GXYLT2: variants seen among roughly 807,000 people sequenced by gnomAD.
GXYLT2 encodes glycosyltransferase 8 domain containing 4.
A neutral mutation model predicts 45.8 loss-of-function variants in GXYLT2; 53 were observed. The observed-to-expected ratio is 1.16, with a 90% CI of 0.93 to 1.46. The LOEUF (loss-of-function observed/expected upper bound fraction) is 1.46, where lower values mean the gene tolerates loss of function less well. Among genes scored for constraint, GXYLT2 ranks in the 40% most tolerant of loss-of-function variants. GXYLT2 has a pLI of 0.00. For synonymous variants in GXYLT2, 219 were observed against 214.2 expected (o/e 1.02, Z -0.19); for missense variants, 551 against 544.4 (o/e 1.01, Z -0.12).
chr3:72,963,831 C>G (rs1389953956), intron 5 of GXYLT2, among the ~76,000 whole-genome samples: 3 of 152,078 alleles, frequency 2.0e-5, no homozygotes, highest in Non-Finnish European at 2.9e-5. Context: ...TGCCACCACG[C>G]CCAGCTAATT....
intron 5 of GXYLT2, 136 bp downstream of exon 5, chr3:72,957,488 C>A: frequency 1.2e-6 from 1 of 844,266 alleles, no homozygotes; most frequent in Non-Finnish European, 1.8e-6. Flanking sequence ...GCGAAGTTTG[C>A]CCTTTCATCC....
chr3:72,963,167 AAAAAAT>A (rs980540387), intron 5 of GXYLT2, among the ~76,000 whole-genome samples: 2 of 151,952 alleles, frequency 1.3e-5, no homozygotes, highest in African/African-American at 4.8e-5. Context: ...AAAAATACAT[AAAAAAT>A]AAAAATAAAA....
At chr3:72,920,326 G>A (rs541315240) in intron 2 of GXYLT2, among the ~76,000 whole-genome samples, 2 of 152,128 alleles carry the variant, frequency 1.3e-5, no homozygotes, top group East Asian at 1.9e-4. Context: ...GTAGAGACCG[G>A]GTTTCACCAT....
chr3:72,896,746 G>A (rs981722559), intron 1 of GXYLT2, among the ~76,000 whole-genome samples: 3 of 152,066 alleles, frequency 2.0e-5, no homozygotes, highest in Non-Finnish European at 2.9e-5. Flanking sequence ...CTACTCTGGA[G>A]GCTGAGGCAA....
At chr3:72,937,149 G>A (rs773033156) in intron 3 of GXYLT2, among the ~76,000 whole-genome samples, 1 of 152,026 alleles carries the variant, frequency 6.6e-6, no homozygotes, top group African/African-American at 2.4e-5. Context: ...TCCCCTAATT[G>A]CGAGGAATAA....
intron 3 of GXYLT2, among the ~76,000 whole-genome samples, chr3:72,933,525 A>C (rs17010276): frequency 1.3e-5 from 2 of 152,222 alleles, no homozygotes; most frequent in African/African-American, 2.4e-5. Context: ...GATGTTGGCT[A>C]TAGTAAGTAC....
chr3:72,930,026 C>T (rs535750215), intron 3 of GXYLT2, among the ~76,000 whole-genome samples: 1 of 151,682 alleles, frequency 6.6e-6, no homozygotes, highest in East Asian at 2.0e-4. Context: ...ATTAGCTGGG[C>T]GTGGTGGCGT....
intron 3 of GXYLT2, among the ~76,000 whole-genome samples, chr3:72,949,127 C>G (rs1255769461): frequency 2.0e-5 from 3 of 152,088 alleles, no homozygotes; most frequent in Non-Finnish European, 2.9e-5. Flanking sequence ...ACATATCTTC[C>G]TGTTGCTCTC....
At chr3:72,949,939 G>A (rs1419520186) in intron 3 of GXYLT2, among the ~76,000 whole-genome samples, 2 of 152,112 alleles carry the variant, frequency 1.3e-5, no homozygotes, top group African/African-American at 2.4e-5. Flanking sequence ...TCCTTGCTGT[G>A]TGTGTGCCAG....
chr3:72,928,800 T>TA (rs1302288982), intron 3 of GXYLT2, among the ~76,000 whole-genome samples: 5 of 150,768 alleles, frequency 3.3e-5, no homozygotes, highest in Non-Finnish European at 5.9e-5. Flanking sequence ...AAAAACCCCA[T>TA]AAAAAAATAA....
chr3:72,900,383 A>G (rs1176806967), intron 1 of GXYLT2, among the ~76,000 whole-genome samples: 1 of 152,044 alleles, frequency 6.6e-6, no homozygotes, highest in Non-Finnish European at 1.5e-5. Flanking sequence ...GCAACGTTTT[A>G]CAAACTTCAC....
At chr3:72,928,431 T>A (rs1709958503) in intron 3 of GXYLT2, among the ~76,000 whole-genome samples, 1 of 152,182 alleles carries the variant, frequency 6.6e-6, no homozygotes, top group Non-Finnish European at 1.5e-5. Context: ...ACACAGGGAT[T>A]CCTCTCTCTC....
intron 3 of GXYLT2, among the ~76,000 whole-genome samples, chr3:72,940,028 C>T (rs565889014): frequency 6.6e-6 from 1 of 152,020 alleles, no homozygotes; most frequent in Non-Finnish European, 1.5e-5. Context: ...CGCTGTGGCT[C>T]ACACCTTTAA....
rs577180513 is a variant in GXYLT2, at chr3:72,966,318, T to C, written c.977-1229T>C. Among the ~76,000 whole-genome samples, 10 of 150,858 alleles carry C rather than the reference T, an allele frequency of 6.6e-5. No individual in the cohort carries two copies. In the South Asian group the frequency reaches 2.1e-3, roughly 32 times the overall value. On this transcript the variant is annotated intron_variant, in intron 5 of 6. Coordinates refer to ENST00000389617, the MANE Select transcript of GXYLT2 (RefSeq NM_001080393.2). ...TTGCTGTTTTTTTTTTTTTCTTTGG[T>C]TTTTTGTTTGTTCTTAATCTGAAGC...
intron 2 of GXYLT2, among the ~76,000 whole-genome samples, chr3:72,920,480 G>A (rs187599900): frequency 2.0e-5 from 3 of 152,010 alleles, no homozygotes; most frequent in Admixed American, 2.0e-4. Context: ...TACTGCGCTG[G>A]CTGGTCTCAA....
chr3:72,936,412 G>C (rs1286089221), intron 3 of GXYLT2, among the ~76,000 whole-genome samples: 1 of 152,086 alleles, frequency 6.6e-6, no homozygotes, highest in Non-Finnish European at 1.5e-5. Flanking sequence ...CCAGCACTTT[G>C]GGAGGCCGAG....
intron 2 of GXYLT2, among the ~76,000 whole-genome samples, chr3:72,913,024 GTTTTTTTTTTGT>G (rs1396454846): frequency 4.8e-5 from 7 of 145,288 alleles, no homozygotes; most frequent in South Asian, 4.3e-4. Context: ...ATTTCCTCAG[GTTTTTTTTTTGT>G]TTTTTTTTTT....
At chr3:72,901,804 G>A (rs909081728) in intron 1 of GXYLT2, among the ~76,000 whole-genome samples, 1 of 151,552 alleles carries the variant, frequency 6.6e-6, no homozygotes, top group African/African-American at 2.4e-5. Flanking sequence ...CAAGTGATCC[G>A]CCCGCCTCAG....
intron 4 of GXYLT2, among the ~76,000 whole-genome samples, chr3:72,956,310 G>A (rs980996230): frequency 9.2e-5 from 14 of 152,172 alleles, no homozygotes; most frequent in Admixed American, 7.2e-4. Context: ...ATTGTTAACT[G>A]TGGATACGTC....
Sources: allele counts gnomAD v4.1 joint callset (sites outside exome capture counted in the v4.1 genomes callset), GRCh38; gene constraint gnomAD v4.1.1; transcripts MANE v1.5; gene names NCBI Gene and HGNC (gene_info 2026-07-23, HGNC 2026-07-21).